Variants in FAM107B observed in about 807,000 individuals in gnomAD.
FAM107B encodes the protein family with sequence similarity 107 member B.
In FAM107B, 21 loss-of-function variants were observed where a neutral mutation model predicts 31.5. That is an observed-to-expected ratio of 0.67 (90% CI 0.47 to 0.96). The LOEUF is 0.96. FAM107B is among the 40% of genes least tolerant of loss of function. The pLI is 0.00. For synonymous variants in FAM107B, 157 were observed against 141.5 expected, an observed-to-expected ratio of 1.11 and a Z score of -0.78; for missense variants, 452 against 377.1, an observed-to-expected ratio of 1.20 and a Z score of -1.64.
At chr10:14,706,381 C>T (rs984248209) in intron 1 of FAM107B, among the ~76,000 whole-genome samples, 3 of 152,088 alleles carry the variant, frequency 2.0e-5, no homozygotes, top group African/African-American at 7.2e-5. Context: ...GAACACACCA[C>T]CATGCCTGGC....
chr10:14,713,262 C>A (rs1204798854), intron 1 of FAM107B, among the ~76,000 whole-genome samples: 2 of 152,166 alleles, frequency 1.3e-5, no homozygotes, highest in South Asian at 2.1e-4. Context: ...GCCAGTAAAG[C>A]TTTATCGAGA....
intron 2 of FAM107B, among the ~76,000 whole-genome samples, chr10:14,573,341 C>G (rs1393017312): frequency 6.6e-6 from 1 of 152,106 alleles, no homozygotes; most frequent in Non-Finnish European, 1.5e-5. Flanking sequence ...CTCTTTTGCC[C>G]TTCCACCTTC....
At chr10:14,687,633 C>T (rs899919949) in intron 1 of FAM107B, among the ~76,000 whole-genome samples, 3 of 38,744 alleles carry the variant, frequency 7.7e-5, no homozygotes, top group Admixed American at 7.4e-4. Flanking sequence ...ACCAGTGTTG[C>T]GGGGGGTGGG....
In FAM107B at chr10:14,671,881, A is replaced by AAC. The variant is rs1854559454; in HGVS notation, c.412-4191_412-4190insGT. 3.7e-5 allele frequency among the ~76,000 whole-genome samples: 4 copies of AAC among 108,856 alleles called. No individual in the cohort carries two copies. In the Admixed American group the frequency reaches 4.5e-4, roughly 12 times the overall value. The allele number at this position is 108,856 out of a possible 152,430, so 71.4% of individuals were successfully genotyped here. A position where few individuals can be genotyped will look rare whatever the true frequency, so the allele number is the denominator to read the frequency against. On this transcript the variant is annotated intron_variant, in intron 1 of 4. Coordinates refer to ENST00000181796, the MANE Select transcript of FAM107B (RefSeq NM_031453.4). ...TACACTCCCTTTTATTTAAAAAAAA[A>AAC]AAACAAAAAAACAAAAAAAAAACCC...
At chr10:14,630,417 A>C (rs1235620348) in intron 2 of FAM107B, among the ~76,000 whole-genome samples, 1 of 152,146 alleles carries the variant, frequency 6.6e-6, no homozygotes, top group Non-Finnish European at 1.5e-5. Flanking sequence ...AACAAGAAAA[A>C]AAAATGCACT....
At chr10:14,647,685 CAAAAA>C (rs35141961) in intron 2 of FAM107B, among the ~76,000 whole-genome samples, 5 of 89,096 alleles carry the variant, frequency 5.6e-5, no homozygotes, top group Admixed American at 1.3e-4. Context: ...GACTCCATCT[CAAAAA>C]AAAAAAAAAA....
intron 2 of FAM107B, among the ~76,000 whole-genome samples, chr10:14,626,443 T>A (rs1001969917): frequency 1.6e-4 from 25 of 152,196 alleles, no homozygotes; most frequent in Non-Finnish European, 3.5e-4. Flanking sequence ...ATTTGGGTTG[T>A]TAGTTATCAC....
At position 14,534,966 on chromosome 10, in the gene FAM107B, T is replaced by G. The variant is rs900682152; in HGVS notation, c.470-4451A>C. 3 of 152,200 alleles carry G rather than the reference T, an allele frequency of 2.0e-5. No individual in the cohort carries two copies. The East Asian group carries it at 5.8e-4, about 29-fold the overall frequency. The allele number at this position is 152,200 out of a possible 1,614,324, so 9.4% of individuals were successfully genotyped here. On this transcript the variant is annotated intron_variant, in intron 2 of 4. Transcript: ENST00000181796. The stretch of plus-strand genomic sequence containing the variant: ...TGGATTCCACCGCCATAAGGTGTAG[T>G]GCAGAAAGTGGGGTTGAGCGGCCAG...
At chr10:14,549,043 T>C (rs1199432597) in intron 2 of FAM107B, among the ~76,000 whole-genome samples, 1 of 152,138 alleles carries the variant, frequency 6.6e-6, no homozygotes, top group Non-Finnish European at 1.5e-5. Flanking sequence ...TCTCTCTCCC[T>C]GTACTCTCCA....
intron 2 of FAM107B, among the ~76,000 whole-genome samples, chr10:14,563,683 G>A (rs1286316230): frequency 3.3e-5 from 5 of 152,152 alleles, no homozygotes; most frequent in East Asian, 3.9e-4. Flanking sequence ...AAGAATGTCC[G>A]TAATTATCTG....
chr10:14,692,504 T>G (rs969449689), intron 1 of FAM107B, among the ~76,000 whole-genome samples: 1 of 152,130 alleles, frequency 6.6e-6, no homozygotes, highest in African/African-American at 2.4e-5. Flanking sequence ...GGTTGTAAAT[T>G]TAAAGTACCT....
intron 2 of FAM107B, among the ~76,000 whole-genome samples, chr10:14,615,985 C>T (rs980055633): frequency 1.3e-5 from 2 of 151,998 alleles, no homozygotes; most frequent in Non-Finnish European, 2.9e-5. Context: ...GGCATACTTC[C>T]CAATTGTATA....
intron 1 of FAM107B, among the ~76,000 whole-genome samples, chr10:14,772,362 A>AAAAAAAAAATATATATAT (rs10651238): frequency 1.4e-5 from 2 of 145,590 alleles, no homozygotes; most frequent in African/African-American, 5.2e-5. Flanking sequence ...TTAAAAAAAA[A>AAAAAAAAAATATATATAT]ATATATATAT....
At position 14,636,571 on chromosome 10, in the gene FAM107B, T is replaced by C. The variant is rs181135890; in HGVS notation, c.469+31063A>G. Among the ~76,000 whole-genome samples, 20 of 152,306 alleles carry C rather than the reference T, an allele frequency of 1.3e-4. No homozygotes were observed. The East Asian group carries it at 3.3e-3, about 25-fold the overall frequency. On this transcript the variant is annotated intron_variant, in intron 2 of 4. Coordinates refer to ENST00000181796, the MANE Select transcript of FAM107B (RefSeq NM_031453.4). Reference sequence around the variant, plus strand: ...TATTCTCTTTTTCTAAGGACATCAGTAATATTGGATTATGGCCCACTCTAA... The same window carrying C: ...TATTCTCTTTTTCTAAGGACATCAGCAATATTGGATTATGGCCCACTCTAA...
chr10:14,632,434 T>A (rs749881072), intron 2 of FAM107B, among the ~76,000 whole-genome samples: 4 of 149,264 alleles, frequency 2.7e-5, no homozygotes, highest in African/African-American at 7.4e-5. Context: ...ACACGGTGAA[T>A]CCCCGTCTCT....
intron 1 of FAM107B, among the ~76,000 whole-genome samples, chr10:14,670,175 A>G (rs2131477238): frequency 6.6e-6 from 1 of 152,376 alleles, no homozygotes; most frequent in East Asian, 1.9e-4. Context: ...TGTTGGGAAC[A>G]AATGTTTTTC....
chr10:14,557,657 A>ACTTAC (rs1849817807), intron 2 of FAM107B, among the ~76,000 whole-genome samples: 1 of 152,246 alleles, frequency 6.6e-6, no homozygotes, highest in Non-Finnish European at 1.5e-5. Context: ...TAACATTCGA[A>ACTTAC]GTGCTTACTG....
In FAM107B at chr10:14,693,096, A is replaced by G. The variant is rs188707736; in HGVS notation, c.412-25405T>C. The stretch of plus-strand genomic sequence containing the variant: ...ATCGCAGAGAGCTGATGACTTGGTG[A>G]CTTATGTCTTTTATCAAGTGGAATT... On this transcript the variant is annotated intron_variant, in intron 1 of 4. Transcript: ENST00000181796. 2.0e-5 allele frequency among the ~76,000 whole-genome samples: 3 copies of G among 152,298 alleles called. No individual in the cohort carries two copies. The East Asian group carries it at 5.8e-4, about 29-fold the overall frequency.
chr10:14,689,610 G>A (rs776047276), intron 1 of FAM107B, among the ~76,000 whole-genome samples: 8 of 152,042 alleles, frequency 5.3e-5, no homozygotes, highest in Non-Finnish European at 1.0e-4. Flanking sequence ...TCCAGGTGGG[G>A]AACTACTTAA....
Sources: allele counts gnomAD v4.1 joint callset (sites outside exome capture counted in the v4.1 genomes callset), GRCh38; gene constraint gnomAD v4.1.1; transcripts MANE v1.5; gene names NCBI Gene and HGNC (gene_info 2026-07-23, HGNC 2026-07-21).